Variants in FUT8 observed in about 807,000 individuals in gnomAD.
The protein encoded by FUT8 is fucosyltransferase 8.
FUT8 carries 29 observed loss-of-function variants against 71.3 expected under a neutral mutation model. The ratio of observed to expected loss-of-function variants is 0.41; its 90% CI spans 0.30 to 0.55. The LOEUF (loss-of-function observed/expected upper bound fraction) is 0.55. Among genes scored for constraint, FUT8 ranks in the 20% least tolerant of loss-of-function variants. The pLI is 0.34. For synonymous variants in FUT8, 254 were observed against 239.3 expected (o/e 1.06, Z -0.57); for missense variants, 544 against 702.1 (o/e 0.77, Z 2.55).
chr14:65,669,171 TAAA>T lies in FUT8; in HGVS notation c.598-62_598-60del. 7 of 928,128 alleles carry T rather than the reference TAAA, an allele frequency of 7.5e-6. No individual in the cohort carries two copies. Among genetic ancestry groups the T allele is most frequent in the Non-Finnish European group, 6.3e-6 (4 of 639,732 alleles). The allele number at this position is 928,128 out of a possible 1,614,324, so 57.5% of individuals were successfully genotyped here. On this transcript the variant is annotated intron_variant, in intron 6 of 10. Transcript: ENST00000673929. This position sits in a 1 kb window ranked among gnomAD's most constrained non-coding sequence, Gnocchi z 4.5. The stretch of plus-strand genomic sequence containing the variant: ...ATGTGTACCCCTGAAGATGAAAGAT[TAAA>T]AAAAAAAAAGAGCAGTTGACCTCTC...
chr14:65,494,079 A>G lies in FUT8; in HGVS notation c.-228+38361A>G, dbSNP rs190661383. ...ATCTTTGTATAGTTTAGTAAAAGCTATGGTCATTAGTTTATAGTCCAGTGC... is the reference window on the plus strand; with the variant it reads ...ATCTTTGTATAGTTTAGTAAAAGCTGTGGTCATTAGTTTATAGTCCAGTGC... On this transcript the variant is annotated intron_variant, in intron 2 of 10. Transcript: ENST00000673929. Among the ~76,000 whole-genome samples, 32 of 152,260 alleles carry G rather than the reference A, an allele frequency of 2.1e-4. No homozygotes were observed. In the East Asian group the frequency reaches 5.0e-3, roughly 24 times the overall value.
In FUT8 at chr14:65,556,789, A is replaced by G. The variant is rs546279410; in HGVS notation, c.-227-4548A>G. Reference sequence around the variant, plus strand: ...AAATAATGTAACAACGTCAATATATACCACATAATAATTTGCTGCATGGTA... The same window carrying G: ...AAATAATGTAACAACGTCAATATATGCCACATAATAATTTGCTGCATGGTA... On this transcript the variant is annotated intron_variant, in intron 2 of 10. Coordinates refer to ENST00000673929, the MANE Select transcript of FUT8 (RefSeq NM_001371533.1). Among the ~76,000 whole-genome samples the G allele has an allele frequency of 2.6e-5, 4 of 152,292 alleles. No individual in the cohort carries two copies. In the South Asian group the frequency reaches 8.3e-4, roughly 32 times the overall value.
chr14:65,530,670 A>C (rs1230190052), intron 2 of FUT8, among the ~76,000 whole-genome samples: 1 of 152,034 alleles, frequency 6.6e-6, no homozygotes, highest in Non-Finnish European at 1.5e-5. Flanking sequence ...GTTACCAGTC[A>C]ACTGATGCGT....
intron 5 of FUT8, 81 bp downstream of exon 5, chr14:65,616,454 C>A: frequency 8.3e-7 from 1 of 1,211,502 alleles, no homozygotes; most frequent in Non-Finnish European, 1.1e-6. Context: ...GTTAATCCAT[C>A]TGTTGAGTGG....
rs1022559620 is a variant in FUT8, at chr14:65,610,909, G to T, written c.204-5069G>T. On this transcript the variant is annotated intron_variant, in intron 3 of 10. Coordinates refer to ENST00000673929, the MANE Select transcript of FUT8 (RefSeq NM_001371533.1). Reference sequence around the variant, plus strand: ...TCTACATTACATATGGTTGGGTTTGGTTTGCTAAATTTTTTTATAATTTTT... The same window carrying T: ...TCTACATTACATATGGTTGGGTTTGTTTTGCTAAATTTTTTTATAATTTTT... Among the ~76,000 whole-genome samples, 2 of 151,682 alleles carry T rather than the reference G, an allele frequency of 1.3e-5. 1 individual carries two copies. The highest frequency in any genetic ancestry group is 2.9e-5 in the Non-Finnish European group (2 of 67,870).
intron 2 of FUT8, among the ~76,000 whole-genome samples, chr14:65,476,636 G>T (rs866571116): frequency 8.6e-6 from 1 of 116,444 alleles, no homozygotes; most frequent in African/African-American, 3.4e-5. Context: ...TAAAGAAGTA[G>T]ATTTTTTTTT....
chr14:65,675,779 C>G (rs1041945754), intron 7 of FUT8, among the ~76,000 whole-genome samples: 1 of 151,700 alleles, frequency 6.6e-6, no homozygotes, highest in East Asian at 1.9e-4. Context: ...TACCAGAGGT[C>G]AGAAGTTCAA....
chr14:65,572,248 CATT>C (rs1033438574), intron 3 of FUT8, among the ~76,000 whole-genome samples: 1 of 152,160 alleles, frequency 6.6e-6, no homozygotes, highest in African/African-American at 2.4e-5. Flanking sequence ...CTAACAGTAA[CATT>C]AGCAGCAAGC....
chr14:65,564,945 T>A (rs1468287844), intron 3 of FUT8, among the ~76,000 whole-genome samples: 1 of 152,048 alleles, frequency 6.6e-6, no homozygotes, highest in Non-Finnish European at 1.5e-5. Context: ...CCATTTAGCA[T>A]TGCTATCACA....
chr14:65,668,207 A>G (rs1415383534), intron 6 of FUT8, among the ~76,000 whole-genome samples: 2 of 152,168 alleles, frequency 1.3e-5, no homozygotes, highest in African/African-American at 2.4e-5. Context: ...TGCAACAGAA[A>G]CAAAAATTGG....
rs572959687 is a variant in FUT8 at position 65,711,159 on chromosome 14, A to T, written c.836-10616A>T. ...AGGGGGCAAATGCCCAAACTGTAAC[A>T]GTAATGATCACTAAATATTTAAACA... On this transcript the variant is annotated intron_variant, in intron 7 of 10. Coordinates refer to ENST00000673929, the MANE Select transcript of FUT8 (RefSeq NM_001371533.1). Among the ~76,000 whole-genome samples, 6 of 152,370 alleles carry T rather than the reference A, an allele frequency of 3.9e-5. No individual in the cohort carries two copies. In the South Asian group the frequency reaches 1.0e-3, roughly 26 times the overall value.
In FUT8 at chr14:65,632,796, C is replaced by T. The variant is rs567247897; in HGVS notation, c.597+3190C>T. Among the ~76,000 whole-genome samples, 39 of 152,270 alleles carry T rather than the reference C, an allele frequency of 2.6e-4. 1 individual carries two copies. Among genetic ancestry groups the T allele is most frequent in the African/African-American group, 9.4e-4 (39 of 41,538 alleles). ...TTGATTATGAAATCCTTGGCTATGC[C>T]AGTGTCTAGAAGGGTTCTTCCAATG... On this transcript the variant is annotated intron_variant, in intron 6 of 10. Coordinates refer to ENST00000673929, the MANE Select transcript of FUT8 (RefSeq NM_001371533.1).
chr14:65,589,620 A>G (rs1041914760), intron 3 of FUT8, among the ~76,000 whole-genome samples: 1 of 151,574 alleles, frequency 6.6e-6, no homozygotes, highest in Admixed American at 6.6e-5. Flanking sequence ...ACTTTTTTGT[A>G]TTTTTAGTAG....
chr14:65,539,288 C>G (rs1884535901), intron 2 of FUT8, among the ~76,000 whole-genome samples: 1 of 152,168 alleles, frequency 6.6e-6, no homozygotes, highest in Admixed American at 6.5e-5. Context: ...AGTGTGTTCC[C>G]TTGTAACTCT....
intron 1 of FUT8, among the ~76,000 whole-genome samples, chr14:65,445,953 T>A (rs1243548263): frequency 6.6e-6 from 1 of 152,216 alleles, no homozygotes; most frequent in Non-Finnish European, 1.5e-5. Context: ...TTAAAATAAT[T>A]AGCACTATAA....
chr14:65,594,066 C>T (rs1168664699), intron 3 of FUT8, among the ~76,000 whole-genome samples: 1 of 152,208 alleles, frequency 6.6e-6, no homozygotes, highest in Non-Finnish European at 1.5e-5. Context: ...AGTAAATCTG[C>T]ATTAAAACTA....
intron 6 of FUT8, among the ~76,000 whole-genome samples, chr14:65,661,093 T>G (rs1891937460): frequency 1.3e-5 from 2 of 152,178 alleles, no homozygotes; most frequent in Non-Finnish European, 2.9e-5. Context: ...TACTGAGCTG[T>G]CTTCACTGGA....
intron 1 of FUT8, among the ~76,000 whole-genome samples, chr14:65,446,758 C>T (rs1595387751): frequency 7.0e-6 from 1 of 142,342 alleles, no homozygotes; most frequent in Admixed American, 7.2e-5. Flanking sequence ...GTTGTTACAT[C>T]TTTGACCAGT....
intron 1 of FUT8, among the ~76,000 whole-genome samples, chr14:65,447,454 TAATG>T (rs2065760239): frequency 1.3e-5 from 2 of 152,222 alleles, no homozygotes; most frequent in African/African-American, 4.8e-5. Flanking sequence ...TATTTTATAA[TAATG>T]AAGGAAAAGG....
Sources: gnomAD v4.1 joint callset for allele counts (sites outside exome capture counted in the v4.1 genomes callset) on GRCh38, gnomAD v4.1.1 for gene constraint, Gnocchi (gnomAD v3.1) non-coding constraint, MANE v1.5 for transcripts, NCBI Gene and HGNC (gene_info 2026-07-23, HGNC 2026-07-21) for gene names.